CTNNA2: variants seen among roughly 807,000 people sequenced by gnomAD.
CTNNA2 encodes catenin alpha-2.
CTNNA2 carries 42 observed loss-of-function variants against 101.0 expected under a neutral mutation model. The ratio of observed to expected loss-of-function variants is 0.42; its 90% CI spans 0.32 to 0.54. The LOEUF (loss-of-function observed/expected upper bound fraction) is 0.54. CTNNA2 is among the 20% of genes least tolerant of loss of function. The pLI, the probability that CTNNA2 is intolerant of heterozygous loss-of-function variation, is 0.14. For missense variants in CTNNA2, 871 were observed against 1,223.1 expected, an observed-to-expected ratio of 0.71 and a Z score of 4.29; for synonymous variants, 450 against 456.4, an observed-to-expected ratio of 0.99 and a Z score of 0.18.
chr2:80,595,034 G>A (rs910234012), intron 15 of CTNNA2, among the ~76,000 whole-genome samples: 1 of 151,952 alleles, frequency 6.6e-6, no homozygotes, highest in African/African-American at 2.4e-5. Context: ...TTAAATTTTG[G>A]CCAAAATGCC....
intron 16 of CTNNA2, chr2:80,605,809 T>A (rs1430889235): frequency 1.3e-5 from 2 of 151,970 alleles, no homozygotes; most frequent in African/African-American, 4.8e-5. Flanking sequence ...ACTTTTGACT[T>A]TTGGAGAAAT....
chr2:80,015,547 C>G (rs1694084231), intron 7 of CTNNA2, among the ~76,000 whole-genome samples: 1 of 152,080 alleles, frequency 6.6e-6, no homozygotes, highest in African/African-American at 2.4e-5. Flanking sequence ...GAAGATGGTG[C>G]CTCCATAGAA....
chr2:80,279,614 G>A, intron 7 of CTNNA2, among the ~76,000 whole-genome samples: 1 of 151,922 alleles, frequency 6.6e-6, no homozygotes. Context: ...TGCTTTGATG[G>A]CACCCACCAA....
chr2:79,804,320 C>A (rs1193262174), intron 3 of CTNNA2, among the ~76,000 whole-genome samples: 2 of 152,006 alleles, frequency 1.3e-5, no homozygotes, highest in African/African-American at 2.4e-5. Flanking sequence ...ATAAATCTAC[C>A]AGATGAAGGG....
At chr2:80,563,747 C>G (rs2149679770) in intron 12 of CTNNA2, among the ~76,000 whole-genome samples, 1 of 152,254 alleles carries the variant, frequency 6.6e-6, no homozygotes, top group East Asian at 1.9e-4. Flanking sequence ...AGTGAAGTCC[C>G]CTTTCTAACC....
chr2:80,372,367 G>GT (rs59415087), intron 7 of CTNNA2, among the ~76,000 whole-genome samples: 6,958 of 139,294 alleles, frequency 0.05, 423 homozygotes, highest in African/African-American at 0.15. Context: ...TTTTAGAGAA[G>GT]TTTTTTTTTT....
chr2:79,292,649 C>G (rs1313910373), intron 2 of CTNNA2, among the ~76,000 whole-genome samples: 1 of 152,064 alleles, frequency 6.6e-6, no homozygotes, highest in Non-Finnish European at 1.5e-5. Context: ...AAGGGACATC[C>G]TAAGAGGCAC....
chr2:79,424,131 C>T (rs1428329016), intron 4 of CTNNA2, among the ~76,000 whole-genome samples: 3 of 152,028 alleles, frequency 2.0e-5, no homozygotes, highest in African/African-American at 7.2e-5. Context: ...CGGTGAGGGA[C>T]CGGTTCAGCC....
At position 79,981,608 on chromosome 2, in the gene CTNNA2, G is replaced by A. The variant is rs559595448; in HGVS notation, c.1056+71811G>A. On this transcript the variant is annotated intron_variant, in intron 7 of 18. Coordinates refer to ENST00000402739, the MANE Select transcript of CTNNA2 (RefSeq NM_001282597.3). The stretch of plus-strand genomic sequence containing the variant: ...TTCCAGAAGACAGTTGGAAAACACG[G>A]CCACAGTACACAATAGACTTGCTTT... 7.2e-5 allele frequency among the ~76,000 whole-genome samples: 11 copies of A among 152,194 alleles called. No homozygotes were observed. In the South Asian group the frequency reaches 1.5e-3, roughly 20 times the overall value.
Position 80,619,209 on chromosome 2 carries a change from G to A in CTNNA2, c.2555G>A (p.Gly852Glu). 6.3e-7 allele frequency: 1 copy of A among 1,581,066 alleles called. No individual in the cohort carries two copies. The highest frequency in any genetic ancestry group is 8.6e-7 in the Non-Finnish European group (1 of 1,163,656). The change falls in exon 18 of 19, where the codon GGA becomes GAA. Residue 852 changes from glycine to glutamate, a missense_variant. Transcript: ENST00000402739. ...GCTGAGGGAGCTCCGATCGGGAGTGGAAGCAGTGATTCCTCCATGGTGAGT... is the reference window on the plus strand; with the variant it reads ...GCTGAGGGAGCTCCGATCGGGAGTGAAAGCAGTGATTCCTCCATGGTGAGT... ...TCAEGAPIGS[G>E]SSDSSMLDSA... is the part of the protein sequence containing the mutation.
At chr2:79,192,653 C>T (rs949692784) in intron 1 of CTNNA2, among the ~76,000 whole-genome samples, 32 of 152,068 alleles carry the variant, frequency 2.1e-4, no homozygotes, top group South Asian at 1.9e-3. Flanking sequence ...AAATGATGGA[C>T]GAAATTTTTC....
At chr2:79,235,477 C>G (rs10779960) in intron 2 of CTNNA2, among the ~76,000 whole-genome samples, 2 of 151,586 alleles carry the variant, frequency 1.3e-5, no homozygotes. Context: ...TTGGAGTTGC[C>G]CCTTCTGACC....
intron 4 of CTNNA2, among the ~76,000 whole-genome samples, chr2:79,440,224 A>T (rs1678762168): frequency 6.6e-6 from 1 of 152,186 alleles, no homozygotes; most frequent in African/African-American, 2.4e-5. Flanking sequence ...AACATTATAC[A>T]TGTGGTATCC....
At chr2:79,880,050 G>A (rs1183510232) in intron 6 of CTNNA2, among the ~76,000 whole-genome samples, 2 of 152,076 alleles carry the variant, frequency 1.3e-5, no homozygotes, top group Admixed American at 6.6e-5. Flanking sequence ...TTTTATCAAA[G>A]GCCTTTTCTG....
chr2:80,049,986 C>A (rs1696770186), intron 7 of CTNNA2, among the ~76,000 whole-genome samples: 2 of 152,116 alleles, frequency 1.3e-5, no homozygotes, highest in Non-Finnish European at 2.9e-5. Flanking sequence ...TCACCTGCTA[C>A]CAGGAGCGAT....
chr2:79,911,640 T>C (rs1038297011), intron 7 of CTNNA2, among the ~76,000 whole-genome samples: 2 of 152,228 alleles, frequency 1.3e-5, no homozygotes, highest in African/African-American at 4.8e-5. Flanking sequence ...GAATGTTTTG[T>C]GCTTTATTGA....
intron 2 of CTNNA2, among the ~76,000 whole-genome samples, chr2:79,275,340 A>G (rs1675184690): frequency 6.6e-6 from 1 of 152,022 alleles, no homozygotes; most frequent in Non-Finnish European, 1.5e-5. Flanking sequence ...GGGAATGGCC[A>G]AACAGACAAA....
At chr2:79,951,731 T>A (rs1017215992) in intron 7 of CTNNA2, among the ~76,000 whole-genome samples, 3 of 151,956 alleles carry the variant, frequency 2.0e-5, no homozygotes, top group Non-Finnish European at 4.4e-5. Context: ...CATAAAAGCA[T>A]CTTTGTTTCT....
intron 7 of CTNNA2, among the ~76,000 whole-genome samples, chr2:80,258,480 T>C (rs1205913012): frequency 6.6e-6 from 1 of 152,122 alleles, no homozygotes; most frequent in Admixed American, 6.6e-5. Flanking sequence ...TGTCGCACAC[T>C]GTGAGGGGCA....
Sources: gnomAD v4.1 joint callset for allele counts (sites outside exome capture counted in the v4.1 genomes callset) on GRCh38, gnomAD v4.1.1 for gene constraint, MANE v1.5 for transcripts, NCBI Gene and HGNC (gene_info 2026-07-23, HGNC 2026-07-21) for gene names.